The following ANK2 variants were observed in gnomAD, a reference collection of about 807,000 sequenced individuals.
ANK2 encodes the protein ankyrin 2.
ANK2 carries 83 observed loss-of-function variants against 360.5 expected under a neutral mutation model. The ratio of observed to expected loss-of-function variants is 0.23; its 90% CI spans 0.19 to 0.28. The LOEUF is 0.28. Ranked by LOEUF, ANK2 falls within the 10% of genes least tolerant of loss-of-function variation. The probability of loss-of-function intolerance (pLI) is 1.00; values close to 1 mark genes in which losing one functional copy is unlikely to be tolerated. For synonymous variants in ANK2, 1,740 were observed against 1,759.5 expected, an observed-to-expected ratio of 0.99 and a Z score of 0.28; for missense variants, 4,201 against 4,795.7, an observed-to-expected ratio of 0.88 and a Z score of 3.66.
intron 1 of ANK2, among the ~76,000 whole-genome samples, chr4:113,119,918 T>C (rs1189197558): frequency 6.6e-6 from 1 of 152,172 alleles, no homozygotes; most frequent in Non-Finnish European, 1.5e-5. Context: ...TATTTTGTAC[T>C]CCTTAAAACA....
At chr4:112,871,414 T>A (rs1034989899) in intron 1 of ANK2, among the ~76,000 whole-genome samples, 1 of 152,188 alleles carries the variant, frequency 6.6e-6, no homozygotes, top group Non-Finnish European at 1.5e-5. Flanking sequence ...GTGAACTTCC[T>A]TAGCTCAGGC....
intron 2 of ANK2, among the ~76,000 whole-genome samples, chr4:112,983,493 A>G (rs983658267): frequency 1.2e-4 from 18 of 152,004 alleles, no homozygotes; most frequent in African/African-American, 3.9e-4. Context: ...CCTGACCAAC[A>G]TGGAGAAACC....
chr4:113,250,405 G>T (rs975068471), intron 10 of ANK2, among the ~76,000 whole-genome samples: 4 of 152,138 alleles, frequency 2.6e-5, no homozygotes, highest in Admixed American at 6.5e-5. Flanking sequence ...TATTAAGCAA[G>T]CATATTTTCT....
At chr4:113,055,832 G>A (rs1315980115) in intron 1 of ANK2, among the ~76,000 whole-genome samples, 6 of 152,126 alleles carry the variant, frequency 3.9e-5, no homozygotes, top group African/African-American at 9.7e-5. Flanking sequence ...CCAGGTGTAA[G>A]GTAGTCTTCT....
At chr4:113,062,822 T>A (rs926505780) in intron 1 of ANK2, among the ~76,000 whole-genome samples, 2 of 152,116 alleles carry the variant, frequency 1.3e-5, no homozygotes, top group African/African-American at 2.4e-5. Flanking sequence ...TATTGACTAT[T>A]TGTCCAATAG....
chr4:113,366,851 A>G (rs1008121891), intron 41 of ANK2, among the ~76,000 whole-genome samples: 1 of 152,158 alleles, frequency 6.6e-6, no homozygotes, highest in African/African-American at 2.4e-5. Context: ...GAAGCTTTTT[A>G]TATCTTATAT....
chr4:112,893,331 A>G (rs1365973553), intron 1 of ANK2, among the ~76,000 whole-genome samples: 3 of 152,060 alleles, frequency 2.0e-5, no homozygotes, highest in Non-Finnish European at 4.4e-5. Flanking sequence ...ATTTTTTAAA[A>G]AAATATTTTT....
At chr4:112,716,634 T>G in the ANK2 span, among the ~76,000 whole-genome samples, 1 of 152,178 alleles carries the variant, frequency 6.6e-6, no homozygotes, top group Non-Finnish European at 1.5e-5. Context: ...GGCATGATCA[T>G]AGTGCACCAC....
chr4:112,936,402 G>A (rs1170110056), intron 2 of ANK2, among the ~76,000 whole-genome samples: 3 of 151,236 alleles, frequency 2.0e-5, no homozygotes, highest in Non-Finnish European at 4.4e-5. Context: ...CTGGAGTGTA[G>A]TGGCGTGATC....
intron 2 of ANK2, among the ~76,000 whole-genome samples, chr4:112,921,379 GTTTTTTTT>G (rs61196339): frequency 2.3e-5 from 3 of 127,860 alleles, no homozygotes; most frequent in Non-Finnish European, 3.4e-5. Flanking sequence ...GTTTCTTTAA[GTTTTTTTT>G]TTTTTTTTTT....
At position 113,327,072 on chromosome 4, in the gene ANK2, G is replaced by A. The variant is rs535431402; in HGVS notation, c.2901-3174G>A. Among the ~76,000 whole-genome samples, 4 of 152,190 alleles carry A rather than the reference G, an allele frequency of 2.6e-5. 1 individual carries two copies. In the South Asian group the frequency reaches 8.3e-4, roughly 32 times the overall value. On this transcript the variant is annotated intron_variant, in intron 26 of 45. Coordinates refer to ENST00000357077, the MANE Select transcript of ANK2 (RefSeq NM_001148.6). ...ACCTGAATTTTTCCAATTTGCTTTG[G>A]ATTTTTGTGCAATACTTAAATATTA...
chr4:113,205,208 T>C (rs1016293662), intron 4 of ANK2, among the ~76,000 whole-genome samples: 37 of 119,748 alleles, frequency 3.1e-4, no homozygotes, highest in South Asian at 1.4e-3. Flanking sequence ...TGCACTCCAG[T>C]CTGGGCGACA....
intron 35 of ANK2, 22 bp downstream of exon 35, chr4:113,346,044 T>C (rs372534422): frequency 1.2e-6 from 2 of 1,612,380 alleles, no homozygotes; most frequent in African/African-American, 2.7e-5. Flanking sequence ...TCTGCTATAG[T>C]GCAATTCAGG....
At chr4:112,902,816 T>C (rs1214128056) in intron 1 of ANK2, among the ~76,000 whole-genome samples, 2 of 152,250 alleles carry the variant, frequency 1.3e-5, no homozygotes, top group Non-Finnish European at 2.9e-5. Flanking sequence ...TTAAGGTTTA[T>C]GTGAATGTGG....
At chr4:113,204,003 G>C (rs2098900999) in intron 4 of ANK2, among the ~76,000 whole-genome samples, 1 of 151,976 alleles carries the variant, frequency 6.6e-6, no homozygotes, top group African/African-American at 2.4e-5. Context: ...CCTGCAAAAT[G>C]TTCAAAAAAT....
chr4:112,877,349 C>T (rs924595609), intron 1 of ANK2, among the ~76,000 whole-genome samples: 1 of 152,192 alleles, frequency 6.6e-6, no homozygotes, highest in African/African-American at 2.4e-5. Context: ...TTCTCTCTCT[C>T]TCATGCTCTC....
intron 4 of ANK2, chr4:113,217,136 T>A (rs144039638): frequency 3.3e-5 from 5 of 152,202 alleles, no homozygotes; most frequent in African/African-American, 1.2e-4. Flanking sequence ...GACAGCCAAC[T>A]GTGTGTTCTC....
chr4:112,873,886 T>C (rs1467979200), intron 1 of ANK2, among the ~76,000 whole-genome samples: 2 of 151,824 alleles, frequency 1.3e-5, no homozygotes, highest in African/African-American at 4.8e-5. Flanking sequence ...TGAGAGAATA[T>C]ACTGTGTATG....
At chr4:112,970,380 A>C (rs2039069769) in intron 2 of ANK2, among the ~76,000 whole-genome samples, 1 of 151,980 alleles carries the variant, frequency 6.6e-6, no homozygotes, top group Non-Finnish European at 1.5e-5. Context: ...TTAAAGATGT[A>C]GTCTCATTCC....
Sources: allele counts gnomAD v4.1 joint callset (sites outside exome capture counted in the v4.1 genomes callset), GRCh38; gene constraint gnomAD v4.1.1; transcripts MANE v1.5; gene names NCBI Gene and HGNC (gene_info 2026-07-23, HGNC 2026-07-21).